The following FGF12 variants were observed in gnomAD, a reference collection of about 807,000 sequenced individuals.
The protein encoded by FGF12 is fibroblast growth factor 12B.
Under a neutral mutation model 23.6 loss-of-function variants are expected in FGF12, and 14 were observed. The observed-to-expected ratio is 0.59, with a 90% CI of 0.39 to 0.93. FGF12 has a LOEUF of 0.93. FGF12 is among the 40% of genes least tolerant of loss of function. The pLI, the probability that FGF12 is intolerant of heterozygous loss-of-function variation, is 0.00. For synonymous variants in FGF12, 62 were observed against 77.3 expected, an observed-to-expected ratio of 0.80 and a Z score of 1.04; for missense variants, 175 against 217.8, an observed-to-expected ratio of 0.80 and a Z score of 1.24.
intron 2 of FGF12, among the ~76,000 whole-genome samples, chr3:192,418,447 C>T (rs981475735): frequency 4.6e-5 from 7 of 152,188 alleles, no homozygotes; most frequent in African/African-American, 1.4e-4. Context: ...CAGGCAAATC[C>T]TTTGAACCAC....
chr3:192,162,469 G>A (rs1205843230), intron 5 of FGF12, among the ~76,000 whole-genome samples: 1 of 152,132 alleles, frequency 6.6e-6, no homozygotes, highest in Non-Finnish European at 1.5e-5. Context: ...GAAGAGGTAA[G>A]AGGGTTGTAT....
At chr3:192,494,314 GT>G (rs562692394) in intron 2 of FGF12, among the ~76,000 whole-genome samples, 56 of 152,298 alleles carry the variant, frequency 3.7e-4, no homozygotes, top group Non-Finnish European at 7.5e-4. Flanking sequence ...TCTAGCATCT[GT>G]TTGTACAATA....
chr3:192,398,162 C>T (rs1007710060), intron 2 of FGF12, among the ~76,000 whole-genome samples: 8 of 152,142 alleles, frequency 5.3e-5, no homozygotes, highest in Non-Finnish European at 1.2e-4. Context: ...GAAAGACTGA[C>T]ATTTTAGACA....
intron 4 of FGF12, among the ~76,000 whole-genome samples, chr3:192,251,266 G>A (rs1711991580): frequency 6.6e-6 from 1 of 152,172 alleles, no homozygotes; most frequent in African/African-American, 2.4e-5. Flanking sequence ...CCATGAAAAT[G>A]TTGTCATTGA....
intron 2 of FGF12, among the ~76,000 whole-genome samples, chr3:192,684,416 C>T (rs1023529173): frequency 2.6e-5 from 4 of 152,046 alleles, no homozygotes; most frequent in African/African-American, 9.7e-5. Flanking sequence ...ACCAACTGAT[C>T]AGGGTTTGTT....
chr3:192,606,526 A>G (rs1206113557), intron 2 of FGF12, among the ~76,000 whole-genome samples: 1 of 152,128 alleles, frequency 6.6e-6, no homozygotes, highest in East Asian at 1.9e-4. Flanking sequence ...CATCTAAAAT[A>G]AAAGTTGAAA....
intron 4 of FGF12, among the ~76,000 whole-genome samples, chr3:192,185,221 CAT>C (rs1716387969): frequency 6.6e-6 from 1 of 152,156 alleles, no homozygotes; most frequent in Admixed American, 6.5e-5. Flanking sequence ...TATTACATAT[CAT>C]GTGTATTTGC....
At chr3:192,158,666 C>CTTCCT (rs746837980) in intron 5 of FGF12, among the ~76,000 whole-genome samples, 1 of 63,230 alleles carries the variant, frequency 1.6e-5, no homozygotes, top group Non-Finnish European at 3.9e-5. Context: ...CCTTCCTTCC[C>CTTCCT]TCCCTCCCTC....
intron 2 of FGF12, among the ~76,000 whole-genome samples, chr3:192,374,713 A>C (rs2108746727): frequency 6.6e-6 from 1 of 152,204 alleles, no homozygotes; most frequent in East Asian, 1.9e-4. Flanking sequence ...TATAGATGTT[A>C]ATACTAAGGT....
chr3:192,190,077 A>G (rs964133309), intron 4 of FGF12, among the ~76,000 whole-genome samples: 1 of 152,198 alleles, frequency 6.6e-6, no homozygotes, highest in African/African-American at 2.4e-5. Context: ...TATGAGAGCT[A>G]AGGAAAAGTT....
At chr3:192,603,198 A>C (rs768294443) in intron 2 of FGF12, among the ~76,000 whole-genome samples, 1 of 152,210 alleles carries the variant, frequency 6.6e-6, no homozygotes, top group Non-Finnish European at 1.5e-5. Context: ...GTCGGACAAG[A>C]GAAAGAAATC....
At position 192,233,754 on chromosome 3, in the gene FGF12, C is replaced by T. The variant is rs114196429; in HGVS notation, c.229-63098G>A. The stretch of plus-strand genomic sequence containing the variant: ...AAGGAAGTGGCCCAGTTTCAGTCTT[C>T]GGCATATGGCTAGCGAGTGATCCCA... On this transcript the variant is annotated intron_variant, in intron 4 of 5. Coordinates refer to ENST00000445105, the MANE Select transcript of FGF12 (RefSeq NM_004113.6). Among the ~76,000 whole-genome samples, 336 of 152,150 alleles carry T rather than the reference C, an allele frequency of 2.2e-3. 2 individuals are homozygous for T. Among genetic ancestry groups the T allele is most frequent in the African/African-American group, 5.5e-3 (230 of 41,520 alleles).
intron 5 of FGF12, among the ~76,000 whole-genome samples, chr3:192,167,735 A>ATATATATG (rs1715254453): frequency 1.2e-4 from 2 of 16,874 alleles, no homozygotes; most frequent in Admixed American, 1.2e-3. Context: ...TTATAGGTAT[A>ATATATATG]TATATATATA....
intron 4 of FGF12, among the ~76,000 whole-genome samples, chr3:192,239,822 G>A (rs1719506190): frequency 1.3e-5 from 2 of 152,320 alleles, no homozygotes; most frequent in African/African-American, 4.8e-5. Context: ...TGCCAAGAAG[G>A]TTGGGGACTG....
intron 4 of FGF12, among the ~76,000 whole-genome samples, chr3:192,272,134 C>T (rs926025243): frequency 2.6e-5 from 4 of 152,158 alleles, no homozygotes; most frequent in East Asian, 3.9e-4. Context: ...ATTAATGGCC[C>T]GAGTTCCTTG....
intron 2 of FGF12, among the ~76,000 whole-genome samples, chr3:192,511,222 T>TATAC (rs1553823683): frequency 1.3e-5 from 2 of 149,562 alleles, no homozygotes; most frequent in African/African-American, 4.9e-5. Flanking sequence ...CAATTGTGTG[T>TATAC]ACACACACAC....
chr3:192,342,250 C>T (rs906038987), intron 3 of FGF12, among the ~76,000 whole-genome samples: 2 of 152,058 alleles, frequency 1.3e-5, no homozygotes, highest in African/African-American at 4.8e-5. Context: ...TTTTCTCAGT[C>T]ATATTTTTAT....
chr3:192,670,182 T>A (rs984045691), intron 2 of FGF12, among the ~76,000 whole-genome samples: 10 of 152,200 alleles, frequency 6.6e-5, no homozygotes, highest in African/African-American at 2.4e-4. Flanking sequence ...TGTCTTTTAT[T>A]AAGGCAGACA....
At chr3:192,513,074 A>T (rs1724541814) in intron 2 of FGF12, among the ~76,000 whole-genome samples, 1 of 151,756 alleles carries the variant, frequency 6.6e-6, no homozygotes, top group Admixed American at 6.6e-5. Flanking sequence ...CTAATTTGAC[A>T]TGAGAGACTG....
Sources: allele counts gnomAD v4.1 joint callset (sites outside exome capture counted in the v4.1 genomes callset), GRCh38; gene constraint gnomAD v4.1.1; transcripts MANE v1.5; gene names NCBI Gene and HGNC (gene_info 2026-07-23, HGNC 2026-07-21).